The following PSD3 variants were observed in gnomAD, a reference collection of about 807,000 sequenced individuals.
PSD3 encodes pleckstrin and Sec7 domain containing 3, also known as PH and SEC7 domain-containing protein 3.
PSD3 carries 49 observed loss-of-function variants against 105.5 expected under a neutral mutation model. That is an observed-to-expected ratio of 0.46 (90% CI 0.37 to 0.59). The LOEUF (loss-of-function observed/expected upper bound fraction) is 0.59. PSD3 is among the 20% of genes least tolerant of loss of function. The probability of loss-of-function intolerance (pLI) is 0.00; values close to 1 mark genes in which losing one functional copy is unlikely to be tolerated. For missense variants in PSD3, 1,561 were observed against 1,263.8 expected, an observed-to-expected ratio of 1.24 and a Z score of -3.57; for synonymous variants, 557 against 457.8, an observed-to-expected ratio of 1.22 and a Z score of -2.77.
At chr8:18,641,005 G>T (rs1807603107) in intron 10 of PSD3, among the ~76,000 whole-genome samples, 1 of 152,164 alleles carries the variant, frequency 6.6e-6, no homozygotes, top group African/African-American at 2.4e-5. Flanking sequence ...GGCCACTCAG[G>T]TCCCAGTCAC....
intron 14 of PSD3, among the ~76,000 whole-genome samples, chr8:18,560,977 TACA>T (rs1801360996): frequency 1.3e-5 from 2 of 152,310 alleles, no homozygotes; most frequent in Admixed American, 6.5e-5. Flanking sequence ...CATGTGAGGA[TACA>T]ACATTTATCC....
intron 12 of PSD3, among the ~76,000 whole-genome samples, chr8:18,587,816 C>T (rs1187896366): frequency 6.6e-6 from 1 of 152,322 alleles, no homozygotes; most frequent in East Asian, 1.9e-4. Context: ...GAATTTTGCA[C>T]AGTACCTGAT....
intron 1 of PSD3, among the ~76,000 whole-genome samples, chr8:18,958,265 T>C (rs1221490370): frequency 6.6e-6 from 1 of 152,228 alleles, no homozygotes; most frequent in East Asian, 1.9e-4. Context: ...CATAATTATG[T>C]ATGCACACAA....
intron 1 of PSD3, among the ~76,000 whole-genome samples, chr8:18,939,562 G>A (rs1188758990): frequency 6.7e-6 from 1 of 150,064 alleles, no homozygotes; most frequent in Non-Finnish European, 1.5e-5. Context: ...TGCTCTGACT[G>A]GACTCAAACT....
chr8:18,561,228 A>G (rs1801379808), intron 14 of PSD3, among the ~76,000 whole-genome samples: 1 of 152,212 alleles, frequency 6.6e-6, no homozygotes, highest in Non-Finnish European at 1.5e-5. Flanking sequence ...GAAGAGATCT[A>G]AGTGTCCTTT....
intron 8 of PSD3, among the ~76,000 whole-genome samples, chr8:18,797,139 A>G (rs1810256869): frequency 6.6e-6 from 1 of 152,182 alleles, no homozygotes. Flanking sequence ...GTTAGTTCTT[A>G]TGATAGCTAC....
intron 4 of PSD3, 100 bp downstream of exon 4, chr8:18,867,574 T>G: frequency 2.1e-6 from 3 of 1,411,008 alleles, no homozygotes; most frequent in Non-Finnish European, 2.9e-6. Context: ...TCCACAGAAA[T>G]TGGCCAAATG....
At chr8:18,999,109 G>C (rs1036485988) in intron 1 of PSD3, among the ~76,000 whole-genome samples, 1 of 151,994 alleles carries the variant, frequency 6.6e-6, no homozygotes, top group Admixed American at 6.6e-5. Flanking sequence ...GCAGACAAAT[G>C]CCAAAAGTGA....
At chr8:18,935,415 T>C (rs1416640704) in intron 2 of PSD3, among the ~76,000 whole-genome samples, 1 of 151,420 alleles carries the variant, frequency 6.6e-6, no homozygotes, top group Non-Finnish European at 1.5e-5. Context: ...GTGGCTCACA[T>C]CTGTAAACTC....
chr8:18,684,477 A>ACGTC (rs1256467645), intron 9 of PSD3, among the ~76,000 whole-genome samples: 1 of 152,198 alleles, frequency 6.6e-6, no homozygotes, highest in Non-Finnish European at 1.5e-5. Context: ...ATATGGATGG[A>ACGTC]CGTCAAAAGG....
chr8:18,951,668 A>G (rs1471132674), intron 1 of PSD3, among the ~76,000 whole-genome samples: 2 of 152,118 alleles, frequency 1.3e-5, no homozygotes, highest in African/African-American at 4.8e-5. Context: ...TTGCTTTTGG[A>G]CCCAAACAAT....
rs373796940 is a variant in PSD3 at position 19,019,563 on chromosome 8, A to G, written c.324+64643T>C. The stretch of plus-strand genomic sequence containing the variant: ...AAACCACTGATATATTAGAATACAG[A>G]ACATAAGTGCCAGTCTTATTTATTT... On this transcript the variant is annotated intron_variant, in intron 1 of 1. Transcript: ENST00000521475. 1.1e-3 allele frequency among the ~76,000 whole-genome samples: 167 copies of G among 152,320 alleles called. 3 individuals carry two copies. In the South Asian group the frequency reaches 0.034, roughly 31 times the overall value.
chr8:18,976,446 A>T (rs1476157471), intron 1 of PSD3, among the ~76,000 whole-genome samples: 1 of 152,198 alleles, frequency 6.6e-6, no homozygotes. Flanking sequence ...GTATATGTGG[A>T]CATTACTAAT....
At chr8:18,903,236 G>A (rs1420389477) in intron 2 of PSD3, among the ~76,000 whole-genome samples, 3 of 152,154 alleles carry the variant, frequency 2.0e-5, no homozygotes, top group African/African-American at 7.2e-5. Context: ...GGCTCAAGGT[G>A]CAAGGTATGA....
At chr8:18,635,613 A>G (rs1357246933) in intron 10 of PSD3, among the ~76,000 whole-genome samples, 2 of 152,144 alleles carry the variant, frequency 1.3e-5, no homozygotes, top group Non-Finnish European at 2.9e-5. Context: ...TATTTACAAC[A>G]CCAAAGACTT....
chr8:18,734,622 G>A (rs12056800), intron 9 of PSD3, among the ~76,000 whole-genome samples: 5,904 of 152,164 alleles, frequency 0.039, 266 homozygotes, highest in East Asian at 0.2. Context: ...TAAAGTCCCC[G>A]CCCTTATGGA....
At chr8:18,895,935 C>T (rs1295111989) in intron 2 of PSD3, among the ~76,000 whole-genome samples, 1 of 152,154 alleles carries the variant, frequency 6.6e-6, no homozygotes, top group Non-Finnish European at 1.5e-5. Context: ...ATCCTGTATC[C>T]GTTAACTAAC....
At chr8:18,967,840 C>A (rs894001408) in intron 1 of PSD3, among the ~76,000 whole-genome samples, 2 of 152,186 alleles carry the variant, frequency 1.3e-5, no homozygotes, top group African/African-American at 4.8e-5. Context: ...ACGGAAGATA[C>A]AGGCTTCTCC....
At chr8:18,869,514 G>T (rs530053096) in intron 3 of PSD3, among the ~76,000 whole-genome samples, 1 of 152,278 alleles carries the variant, frequency 6.6e-6, no homozygotes, top group Admixed American at 6.5e-5. Context: ...CACAGGGAGA[G>T]TTTCAAATCT....
Sources: allele counts gnomAD v4.1 joint callset (sites outside exome capture counted in the v4.1 genomes callset), GRCh38; gene constraint gnomAD v4.1.1; transcripts MANE v1.5; gene names NCBI Gene and HGNC (gene_info 2026-07-23, HGNC 2026-07-21).